The following TRPS1 variants were observed in gnomAD, a reference collection of about 807,000 sequenced individuals.
TRPS1 encodes transcriptional repressor GATA binding 1.
A neutral mutation model predicts 101.2 loss-of-function variants in TRPS1; 6 were observed. That is an observed-to-expected ratio of 0.06 (90% CI 0.03 to 0.12). The LOEUF (loss-of-function observed/expected upper bound fraction) is 0.12, where lower values mean the gene tolerates loss of function less well. Ranked by LOEUF, TRPS1 falls within the 10% of genes least tolerant of loss-of-function variation. The probability of loss-of-function intolerance (pLI) is 1.00; values close to 1 mark genes in which losing one functional copy is unlikely to be tolerated. For missense variants in TRPS1, 1,363 were observed against 1,567.0 expected (o/e 0.87, Z 2.20); for synonymous variants, 578 against 589.8 (o/e 0.98, Z 0.29).
At chr8:115,477,800 A>G (rs1814642693) in intron 5 of TRPS1, among the ~76,000 whole-genome samples, 2 of 147,294 alleles carry the variant, frequency 1.4e-5, no homozygotes, top group Non-Finnish European at 3.0e-5. Context: ...TTCAATCTAC[A>G]TTCTTTTTTT....
intron 5 of TRPS1, among the ~76,000 whole-genome samples, chr8:115,453,772 T>C (rs942465515): frequency 2.6e-5 from 4 of 152,180 alleles, no homozygotes; most frequent in African/African-American, 9.7e-5. Flanking sequence ...AATCAGGCAA[T>C]TGATTTGGAT....
chr8:115,621,221 A>G (rs2130537360), intron 2 of TRPS1, among the ~76,000 whole-genome samples: 1 of 152,362 alleles, frequency 6.6e-6, no homozygotes, highest in South Asian at 2.1e-4. Context: ...CTGTTTCTTA[A>G]TCACTCAGCT....
intron 4 of TRPS1, among the ~76,000 whole-genome samples, chr8:115,597,981 C>T (rs1186586123): frequency 6.6e-6 from 1 of 152,182 alleles, no homozygotes; most frequent in Non-Finnish European, 1.5e-5. Flanking sequence ...GTTACATCAT[C>T]TGATATCTTT....
intron 4 of TRPS1, among the ~76,000 whole-genome samples, chr8:115,597,616 A>C (rs137911752): frequency 2.0e-5 from 3 of 152,206 alleles, no homozygotes; most frequent in African/African-American, 7.2e-5. Flanking sequence ...TCAATTTTGA[A>C]AAATTTTTTG....
At position 115,524,397 on chromosome 8, in the gene TRPS1, C is replaced by T. The variant is rs562219760; in HGVS notation, c.2700+62604G>A. ...GTGCAATGGTGTGATCTCAGCTCAC[C>T]GCAACCTCCACATCCCAGGTTCAAG... On this transcript the variant is annotated intron_variant, in intron 5 of 6. Transcript: ENST00000395715. Among the ~76,000 whole-genome samples the T allele has an allele frequency of 5.6e-5, 8 of 143,550 alleles. No homozygotes were observed. In the East Asian group the frequency reaches 6.6e-4, roughly 12 times the overall value. 94.2% of individuals were successfully genotyped at this position (143,550 alleles called of 152,430 possible).
intron 1 of TRPS1, among the ~76,000 whole-genome samples, chr8:115,629,592 C>T (rs1370335237): frequency 6.6e-6 from 1 of 151,792 alleles, no homozygotes; most frequent in African/African-American, 2.4e-5. Flanking sequence ...ACCTTATATG[C>T]CAAATTTGTT....
chr8:115,584,968 A>T lies in TRPS1; in HGVS notation c.2700+2033T>A, dbSNP rs562910405. Among the ~76,000 whole-genome samples, 319 of 152,256 alleles carry T rather than the reference A, an allele frequency of 2.1e-3. 3 individuals carry two copies. In the South Asian group the frequency reaches 0.028, roughly 13 times the overall value. On this transcript the variant is annotated intron_variant, in intron 5 of 6. Coordinates refer to ENST00000395715, the MANE Select transcript of TRPS1 (RefSeq NM_014112.5). ...AAGATTTAAATTTTATTGCAACCAC[A>T]GAATGATTCAATATTCTTCCTTTTA...
At chr8:115,631,340 A>G (rs1703690421) in intron 1 of TRPS1, among the ~76,000 whole-genome samples, 1 of 152,144 alleles carries the variant, frequency 6.6e-6, no homozygotes, top group South Asian at 2.1e-4. Context: ...AAATATTAAC[A>G]GCTATCCATT....
At chr8:115,421,506 T>G (rs140988070) in intron 5 of TRPS1, among the ~76,000 whole-genome samples, 1 of 152,328 alleles carries the variant, frequency 6.6e-6, no homozygotes, top group African/African-American at 2.4e-5. Context: ...ACCAATCTTA[T>G]CAAATATGAG....
In TRPS1 at chr8:115,587,554, T is replaced by C; in HGVS notation, c.2147A>G (p.Asp716Gly). 1 of 1,614,164 alleles carries C rather than the reference T, an allele frequency of 6.2e-7. No homozygotes were observed. Among genetic ancestry groups the C allele is most frequent in the Non-Finnish European group, 8.5e-7 (1 of 1,180,018 alleles). Residue 716 changes from aspartate to glycine, a missense_variant, in exon 5 of 7, where the codon GAT becomes GGT. This residue lies in a region of TRPS1 where 1,020 missense variants were observed against 1,073.0 expected (regional missense o/e 0.95). Coordinates refer to ENST00000395715, the MANE Select transcript of TRPS1 (RefSeq NM_014112.5). ...KCRQCSFTAADTQSLLEHFNT... is the reference protein window; with the variant it reads ...KCRQCSFTAAGTQSLLEHFNT... ...GAAGTGCTCCAGTAGTGACTGAGTA[T>C]CGGCAGCTGTAAAACTGCACTGACG...
Position 115,536,840 on chromosome 8 carries a change from TA to T in TRPS1, c.2700+50160del, listed in dbSNP as rs1224413072. Reference sequence around the variant, plus strand: ...TAGTGGTGAGAAATAGATGCATTTTTAATGTTTTAATAATTTAAAAATATTA... The same window carrying T: ...TAGTGGTGAGAAATAGATGCATTTTTATGTTTTAATAATTTAAAAATATTA... On this transcript the variant is annotated intron_variant, in intron 5 of 6. Coordinates refer to ENST00000395715, the MANE Select transcript of TRPS1 (RefSeq NM_014112.5). Among the ~76,000 whole-genome samples, 51 of 152,014 alleles carry T rather than the reference TA, an allele frequency of 3.4e-4. 1 individual carries two copies. Among genetic ancestry groups the T allele is most frequent in the Middle Eastern group, 3.4e-3 (1 of 294 alleles).
chr8:115,545,416 T>G (rs1237630441), intron 5 of TRPS1, among the ~76,000 whole-genome samples: 1 of 152,162 alleles, frequency 6.6e-6, no homozygotes, highest in East Asian at 1.9e-4. Flanking sequence ...TGTGTTTTCT[T>G]AAATATTCTC....
chr8:115,587,793 A>G (rs975457169), intron 4 of TRPS1, among the ~76,000 whole-genome samples, 189 bp from the exon 5 acceptor site: 1 of 152,140 alleles, frequency 6.6e-6, no homozygotes, highest in African/African-American at 2.4e-5. Context: ...TAAAGAGTTC[A>G]AAGTGCCCTT....
intron 5 of TRPS1, among the ~76,000 whole-genome samples, chr8:115,496,722 A>T (rs891152277): frequency 6.6e-6 from 1 of 152,210 alleles, no homozygotes; most frequent in African/African-American, 2.4e-5. Context: ...CAATTTCACA[A>T]CCACAACAAC....
intron 1 of TRPS1, among the ~76,000 whole-genome samples, chr8:115,642,158 G>C (rs1464445918): frequency 2.0e-5 from 3 of 151,472 alleles, no homozygotes; most frequent in East Asian, 1.9e-4. Flanking sequence ...AGGCTACAGA[G>C]AGCTATGATC....
chr8:115,428,524 T>C (rs757468760), intron 5 of TRPS1, among the ~76,000 whole-genome samples: 1 of 152,246 alleles, frequency 6.6e-6, no homozygotes, highest in African/African-American at 2.4e-5. Flanking sequence ...CTTATTTTAA[T>C]GTAAACAACA....
rs186401917 is a variant in TRPS1, at chr8:115,489,683, G to C, written c.2701-71231C>G. Among the ~76,000 whole-genome samples, 37 of 152,138 alleles carry C rather than the reference G, an allele frequency of 2.4e-4. No individual in the cohort carries two copies. In the East Asian group the frequency reaches 6.0e-3, roughly 25 times the overall value. On this transcript the variant is annotated intron_variant, in intron 5 of 6. Transcript: ENST00000395715. ...AAATGCACACATGACATTTTGTAGA[G>C]CATGGTAAATATTATTAGAAATATA...
chr8:115,454,889 G>C (rs924429510), intron 5 of TRPS1, among the ~76,000 whole-genome samples: 1 of 152,004 alleles, frequency 6.6e-6, no homozygotes, highest in Non-Finnish European at 1.5e-5. Flanking sequence ...TTCATTACTA[G>C]ATTGTTGACA....
intron 5 of TRPS1, among the ~76,000 whole-genome samples, chr8:115,501,927 C>A (rs374115241): frequency 1.6e-4 from 24 of 152,110 alleles, no homozygotes; most frequent in African/African-American, 5.5e-4. Context: ...ATCTTCATTG[C>A]CAGCAGGATA....
Sources: gnomAD v4.1 joint callset for allele counts (sites outside exome capture counted in the v4.1 genomes callset) on GRCh38, gnomAD v4.1.1 for gene constraint, gnomAD v4.1.1 regional missense constraint, MANE v1.5 for transcripts, NCBI Gene and HGNC (gene_info 2026-07-23, HGNC 2026-07-21) for gene names.